Variants in FAT4 observed in about 807,000 individuals in gnomAD.
The protein encoded by FAT4 is protocadherin Fat 4.
In FAT4, 84 loss-of-function variants were observed where a neutral mutation model predicts 303.9. The observed-to-expected ratio is 0.28, with a 90% confidence interval of 0.23 to 0.33. The LOEUF (loss-of-function observed/expected upper bound fraction) is 0.33, where lower values mean the gene tolerates loss of function less well. Ranked by LOEUF, FAT4 falls within the 10% of genes least tolerant of loss-of-function variation. FAT4 has a pLI of 1.00. For synonymous variants in FAT4, 2,307 were observed against 2,298.8 expected (o/e 1.00, Z -0.10); for missense variants, 6,005 against 6,146.8 (o/e 0.98, Z 0.77).
At chr4:125,365,080 A>T (rs1475044336) in intron 2 of FAT4, among the ~76,000 whole-genome samples, 1 of 152,104 alleles carries the variant, frequency 6.6e-6, no homozygotes, top group Non-Finnish European at 1.5e-5. Flanking sequence ...TTGAATGTAG[A>T]TGTGGAAGAT....
At chr4:125,355,088 G>T (rs1228109803) in intron 2 of FAT4, among the ~76,000 whole-genome samples, 1 of 151,716 alleles carries the variant, frequency 6.6e-6, no homozygotes, top group Non-Finnish European at 1.5e-5. Context: ...ATAATTCCCT[G>T]CATATCATCA....
At chr4:125,436,713 A>C (rs200463214) in intron 8 of FAT4, among the ~76,000 whole-genome samples, 1 of 152,188 alleles carries the variant, frequency 6.6e-6, no homozygotes, top group East Asian at 1.9e-4. Flanking sequence ...GAGCTTGTAC[A>C]GGGGAACTCC....
chr4:125,481,694 G>A lies in FAT4; in HGVS notation c.12778G>A (p.Val4260Ile), dbSNP rs369024765. The change falls in exon 16 of 18, where the codon GTT (valine) becomes ATT (isoleucine). Residue 4260 changes from valine to isoleucine, a missense_variant. Coordinates refer to ENST00000394329, the MANE Select transcript of FAT4 (RefSeq NM_001291303.3). ...VKFRTRSENG[V>I]LIHIQESSNY... ...ATTTAGGACCAGAAGCGAGAATGGC[G>A]TTTTAATCCATATCCAAGAAAGCAG... The A allele has an allele frequency of 1.7e-4, 272 of 1,613,872 alleles. No individual in the cohort carries two copies. The highest frequency in any genetic ancestry group is 2.2e-4 in the Non-Finnish European group (256 of 1,179,908).
intron 10 of FAT4, among the ~76,000 whole-genome samples, chr4:125,455,853 C>G (rs1016018261): frequency 1.3e-5 from 2 of 152,206 alleles, no homozygotes; most frequent in African/African-American, 4.8e-5. Context: ...GAACTACTCT[C>G]AGACTTTGAG....
intron 8 of FAT4, among the ~76,000 whole-genome samples, chr4:125,437,017 G>T (rs1361833820): frequency 2.0e-5 from 3 of 151,950 alleles, no homozygotes; most frequent in African/African-American, 7.3e-5. Context: ...ACCACACTCG[G>T]CTAATTTTTG....
At chr4:125,402,454 T>G (rs988108527) in intron 3 of FAT4, among the ~76,000 whole-genome samples, 1 of 151,986 alleles carries the variant, frequency 6.6e-6, no homozygotes, top group African/African-American at 2.4e-5. Flanking sequence ...AACCATAAAA[T>G]TACAATAAAT....
chr4:125,449,512 T>A lies in FAT4; in HGVS notation c.8502T>A (p.Pro2834=). ...CAGGGGATATTGTCATAAGCAGACC[T>A]TTAAATAGGGAAGATACAGACCGTT... ...PSTGDIVISR[P]LNREDTDRYR... Residue 2834 remains proline, a synonymous_variant, in exon 10 of 18, where the codon CCT becomes CCA. Coordinates refer to ENST00000394329, the MANE Select transcript of FAT4 (RefSeq NM_001291303.3). 4 of 1,613,856 alleles carry A rather than the reference T, an allele frequency of 2.5e-6. No individual in the cohort carries two copies. Among genetic ancestry groups the A allele is most frequent in the Non-Finnish European group, 3.4e-6 (4 of 1,179,858 alleles).
Position 125,449,406 on chromosome 4 carries a change from C to G in FAT4, c.8396C>G (p.Ser2799Cys). 6.2e-7 allele frequency: 1 copy of G among 1,613,750 alleles called. No homozygotes were observed. The highest frequency in any genetic ancestry group is 1.3e-5 in the African/African-American group (1 of 75,018). ...TACACAGTTACCCGTGTCACAACTT[C>G]TGATGAAGACATTGGGATCAATGCA... ...LGYTVTRVTT[S>C]DEDIGINAIS... Residue 2799 changes from serine (S) to cysteine (C), a missense_variant, in exon 10 of 18, where the codon TCT becomes TGT. Ser to Cys is a moderately radical substitution (Grantham distance 112). Transcript: ENST00000394329.
intron 2 of FAT4, among the ~76,000 whole-genome samples, chr4:125,381,343 A>G (rs1377634197): frequency 6.6e-6 from 1 of 152,170 alleles, no homozygotes; most frequent in East Asian, 1.9e-4. Context: ...TTTGATCTTT[A>G]AATGCAGGTA....
At chr4:125,326,958 G>A (rs1272049555) in intron 2 of FAT4, among the ~76,000 whole-genome samples, 2 of 152,222 alleles carry the variant, frequency 1.3e-5, no homozygotes, top group Admixed American at 1.3e-4. Context: ...CCTGGGAGCA[G>A]AGGCTGCAGT....
chr4:125,447,319 A>G (rs1725859044), intron 9 of FAT4, among the ~76,000 whole-genome samples: 1 of 152,142 alleles, frequency 6.6e-6, no homozygotes, highest in South Asian at 2.1e-4. Context: ...TATTAGAAGA[A>G]AAACTTAACA....
chr4:125,330,519 G>A (rs557004892), intron 2 of FAT4, among the ~76,000 whole-genome samples: 3 of 152,346 alleles, frequency 2.0e-5, no homozygotes, highest in African/African-American at 4.8e-5. Context: ...AGGGGTGGGT[G>A]TGAGTGATAT....
rs78147088 is a variant in FAT4 at position 125,348,359 on chromosome 4, G to A, written c.5175+26773G>A. On this transcript the variant is annotated intron_variant, in intron 2 of 17. Coordinates refer to ENST00000394329, the MANE Select transcript of FAT4 (RefSeq NM_001291303.3). ...AGGGTGCCCACATCTGCAATATGAAGAACAATGAAGTTTTTTATGTAGGGT... is the reference window on the plus strand; with the variant it reads ...AGGGTGCCCACATCTGCAATATGAAAAACAATGAAGTTTTTTATGTAGGGT... Among the ~76,000 whole-genome samples, 743 of 151,830 alleles carry A rather than the reference G, an allele frequency of 4.9e-3. 29 individuals carry two copies. In the South Asian group the frequency reaches 0.071, roughly 14 times the overall value.
chr4:125,318,886 C>T lies in FAT4; in HGVS notation c.2475C>T (p.Asn825=), dbSNP rs764273048. Residue 825 remains asparagine, a synonymous_variant, in exon 2 of 18, where the codon AAC becomes AAT. Transcript: ENST00000394329. ...CATCCACCATGGATCTCAATTCCAA[C>T]ATCAGTTATCTCATTACTACTGGGG... The part of the protein sequence containing the change: ...VSASTMDLNS[N]ISYLITTGDQ... The T allele has an allele frequency of 8.9e-5, 144 of 1,614,072 alleles. No homozygotes were observed. In the Admixed American group the frequency reaches 2.4e-3, roughly 27 times the overall value.
At chr4:125,339,324 T>C (rs1731687704) in intron 2 of FAT4, among the ~76,000 whole-genome samples, 1 of 151,862 alleles carries the variant, frequency 6.6e-6, no homozygotes, top group South Asian at 2.1e-4. Context: ...GCCTCCCGAG[T>C]AGCTGGGATT....
At chr4:125,399,934 A>G (rs1401917357) in intron 3 of FAT4, among the ~76,000 whole-genome samples, 3 of 151,924 alleles carry the variant, frequency 2.0e-5, no homozygotes, top group East Asian at 3.9e-4. Flanking sequence ...GTTGATAGAT[A>G]TGTGATATCA....
intron 2 of FAT4, among the ~76,000 whole-genome samples, chr4:125,366,103 A>G (rs1317804117): frequency 6.6e-6 from 1 of 152,208 alleles, no homozygotes; most frequent in Middle Eastern, 3.2e-3. Context: ...TGTCTTCCAC[A>G]AAACTGGTCC....
chr4:125,416,687 TGTAACCCC>T, intron 7 of FAT4, 65 bp downstream of exon 7: 6 of 1,542,856 alleles, frequency 3.9e-6, no homozygotes, highest in Non-Finnish European at 5.3e-6. Flanking sequence ...GGCTCATGCC[TGTAACCCC>T]AGCACTTTGG....
At chr4:125,396,943 T>TGC (rs1734204461) in intron 2 of FAT4, among the ~76,000 whole-genome samples, 3 of 75,874 alleles carry the variant, frequency 4.0e-5, no homozygotes, top group African/African-American at 1.4e-4. Flanking sequence ...TATATATATA[T>TGC]ATATATATAT....
Sources: gnomAD v4.1 joint callset for allele counts (sites outside exome capture counted in the v4.1 genomes callset) on GRCh38, gnomAD v4.1.1 for gene constraint, MANE v1.5 for transcripts, NCBI Gene and HGNC (gene_info 2026-07-23, HGNC 2026-07-21) for gene names.